The following ROCK2 variants were observed in gnomAD, a reference collection of about 807,000 sequenced individuals.
The protein encoded by ROCK2 is Rho associated coiled-coil containing protein kinase 2.
Under a neutral mutation model 195.1 loss-of-function variants are expected in ROCK2, and 61 were observed. The ratio of observed to expected loss-of-function variants is 0.31; its 90% CI spans 0.25 to 0.39. The LOEUF is 0.39. ROCK2 is among the 10% of genes least tolerant of loss of function. The pLI, the probability that ROCK2 is intolerant of heterozygous loss-of-function variation, is 1.00. For missense variants in ROCK2, 1,109 were observed against 1,637.4 expected (o/e 0.68, Z 5.57); for synonymous variants, 504 against 545.5 (o/e 0.92, Z 1.06).
rs368626884 is a variant in ROCK2, at chr2:11,217,344, C to T, written c.1333-175G>A. On this transcript the variant is annotated intron_variant, in intron 11 of 32. Transcript: ENST00000315872. Reference sequence around the variant, plus strand: ...TATATTGATAAAAGGAAAAACTCCCCCATCTCTTGCTTTCTATCAGAGTAC... The same window carrying T: ...TATATTGATAAAAGGAAAAACTCCCTCATCTCTTGCTTTCTATCAGAGTAC... 44 of 705,168 alleles carry T rather than the reference C, an allele frequency of 6.2e-5. No individual in the cohort carries two copies. The African/African-American group carries it at 7.5e-4, about 12-fold the overall frequency. 43.7% of individuals were successfully genotyped at this position (705,168 alleles called of 1,614,324 possible). A position where few individuals can be genotyped will look rare whatever the true frequency, so the allele number is the denominator to read the frequency against.
intron 13 of ROCK2, 103 bp from the exon 14 acceptor site, chr2:11,215,748 G>C: frequency 5.6e-6 from 5 of 897,820 alleles, no homozygotes; most frequent in Admixed American, 6.4e-5. Context: ...TCTCAAAAAG[G>C]CTTTCACTGC....
In ROCK2 at chr2:11,287,622, A is replaced by G. The variant is rs548882066; in HGVS notation, c.223+33T>C. 2.7e-5 allele frequency: 17 copies of G among 635,962 alleles called. 1 individual carries two copies. The Admixed American group carries it at 4.5e-4, about 17-fold the overall frequency. 39.4% of individuals were successfully genotyped at this position (635,962 alleles called of 1,614,324 possible). A position where few individuals can be genotyped will look rare whatever the true frequency, so the allele number is the denominator to read the frequency against. On this transcript the variant is annotated intron_variant, in intron 2 of 32. Transcript: ENST00000315872. ...AAAATCTCTTATCAAAAGTAGAGTT[A>G]TAAGATCAAATATGAAGTTTAAACA...
intron 1 of ROCK2, among the ~76,000 whole-genome samples, chr2:11,299,990 A>G (rs553935657): frequency 6.6e-6 from 1 of 152,192 alleles, no homozygotes; most frequent in East Asian, 1.9e-4. Context: ...ATAAAGAATG[A>G]TGAGCAAGTC....
chr2:11,199,088 A>T (rs1663751607), intron 23 of ROCK2, among the ~76,000 whole-genome samples: 1 of 151,420 alleles, frequency 6.6e-6, no homozygotes. Context: ...TTTAGTAGAG[A>T]TGGGGTTTCA....
chr2:11,264,536 T>G (rs1251357340), intron 3 of ROCK2, among the ~76,000 whole-genome samples: 1 of 152,142 alleles, frequency 6.6e-6, no homozygotes, highest in African/African-American at 2.4e-5. Context: ...AACATTCTGA[T>G]TTCACACATT....
chr2:11,341,816 CGTCA>C (rs937170533), intron 1 of ROCK2, among the ~76,000 whole-genome samples: 30 of 152,166 alleles, frequency 2.0e-4, no homozygotes, highest in African/African-American at 6.7e-4. Flanking sequence ...GCCATTATTT[CGTCA>C]GTATTTCAGG....
At chr2:11,262,710 C>T (rs1329573529) in intron 3 of ROCK2, among the ~76,000 whole-genome samples, 2 of 152,126 alleles carry the variant, frequency 1.3e-5, no homozygotes, top group African/African-American at 2.4e-5. Context: ...ACTGTAAGTC[C>T]AATAAACTTC....
intron 1 of ROCK2, among the ~76,000 whole-genome samples, chr2:11,299,273 CAA>C (rs1208739865): frequency 7.9e-5 from 10 of 126,096 alleles, no homozygotes; most frequent in Admixed American, 1.6e-4. Context: ...GACTCCATCT[CAA>C]AAAAAAAAAA....
intron 1 of ROCK2, 41 bp downstream of exon 1, chr2:11,343,955 G>A (rs770859149): frequency 3.8e-6 from 6 of 1,575,748 alleles, no homozygotes; most frequent in Non-Finnish European, 4.3e-6. Flanking sequence ...GATCTGAGGT[G>A]TGAGCTGCAA....
chr2:11,274,936 T>C lies in ROCK2; in HGVS notation c.324+11603A>G, dbSNP rs574727489. 2.2e-4 allele frequency among the ~76,000 whole-genome samples: 33 copies of C among 152,180 alleles called. No individual in the cohort carries two copies. The South Asian group carries it at 5.2e-3, about 24-fold the overall frequency. On this transcript the variant is annotated intron_variant, in intron 3 of 32. Coordinates refer to ENST00000315872, the MANE Select transcript of ROCK2 (RefSeq NM_004850.5). ...CATATCTATGATAAAGTTCAATTTA[T>C]AAACTAAGCAACAGTAAAAATTAAG...
chr2:11,240,330 C>G (rs1665379218), intron 4 of ROCK2, among the ~76,000 whole-genome samples: 1 of 152,172 alleles, frequency 6.6e-6, no homozygotes, highest in Admixed American at 6.5e-5. Flanking sequence ...ACTCCTATCA[C>G]TCAGGAAATT....
rs867878799 is a variant in ROCK2 at position 11,293,939 on chromosome 2, G to A, written c.142-6203C>T. On this transcript the variant is annotated intron_variant, in intron 1 of 32. Coordinates refer to ENST00000315872, the MANE Select transcript of ROCK2 (RefSeq NM_004850.5). The stretch of plus-strand genomic sequence containing the variant: ...TCTGGGAGGCCGAGGCGGGAGGATC[G>A]TGAGGTCAGGAGATCGAGACCATCC... Among the ~76,000 whole-genome samples the A allele has an allele frequency of 5.3e-5, 8 of 152,148 alleles. No individual in the cohort carries two copies. In the South Asian group the frequency reaches 1.0e-3, roughly 20 times the overall value.
At chr2:11,239,132 A>G (rs781484001) in intron 4 of ROCK2, among the ~76,000 whole-genome samples, 15 of 152,154 alleles carry the variant, frequency 9.9e-5, no homozygotes, top group Non-Finnish European at 1.9e-4. Flanking sequence ...ACACAGGAGA[A>G]TATCTTAATG....
At chr2:11,230,238 C>T (rs1664955794) in intron 5 of ROCK2, among the ~76,000 whole-genome samples, 1 of 151,882 alleles carries the variant, frequency 6.6e-6, no homozygotes, top group Admixed American at 6.6e-5. Flanking sequence ...AGAAGTGATT[C>T]CAGAGGTGAG....
At chr2:11,322,940 T>TGAC (rs994847652) in intron 1 of ROCK2, among the ~76,000 whole-genome samples, 1 of 152,150 alleles carries the variant, frequency 6.6e-6, no homozygotes, top group African/African-American at 2.4e-5. Flanking sequence ...GTATAGATCA[T>TGAC]ACAGTGAAAC....
rs1457229425 is a variant in ROCK2, at chr2:11,208,394, G to A, written c.2257C>T (p.Leu753=). Residue 753 remains leucine (L), a synonymous_variant, in exon 19 of 33, where the codon CTA becomes TTA. Transcript: ENST00000315872. ...ERTLKQKVEN[L]LLEAEKRCSL... ...CATCTTTTCTCAGCTTCTAGCAATA[G>A]GTTCTCCACTTTCTGTTTTAAAGTT... 1 of 1,554,338 alleles carries A rather than the reference G, an allele frequency of 6.4e-7. No individual in the cohort carries two copies.
chr2:11,198,880 T>TTTA, intron 23 of ROCK2, 106 bp from the exon 24 acceptor site: 2 of 638,682 alleles, frequency 3.1e-6, no homozygotes, highest in Non-Finnish European at 5.0e-6. Context: ...ACCTCTTATT[T>TTTA]TTCTTTTTTT....
At position 11,211,709 on chromosome 2, in the gene ROCK2, G is replaced by A. The variant is rs770615625; in HGVS notation, c.2175C>T (p.Ile725=). 2.4e-5 allele frequency: 39 copies of A among 1,607,376 alleles called. No homozygotes were observed. The highest frequency in any genetic ancestry group is 1.7e-4 in the Middle Eastern group (1 of 6,056). Residue 725 remains isoleucine (I), a synonymous_variant, in exon 18 of 33, where the codon ATC becomes ATT. Transcript: ENST00000315872. ...LADKNKIYES[I]EEAKSEAMKE... is the part of the protein sequence containing the mutation. ...TCATGGCTTCTGATTTGGCTTCTTC[G>A]ATGGACTCATAGATCTTATTTTTAT...
At chr2:11,302,101 C>T (rs1172494154) in intron 1 of ROCK2, among the ~76,000 whole-genome samples, 3 of 152,122 alleles carry the variant, frequency 2.0e-5, no homozygotes, top group African/African-American at 4.8e-5. Flanking sequence ...CCACCACGCC[C>T]GGCCAGCAAC....
Sources: allele counts gnomAD v4.1 joint callset (sites outside exome capture counted in the v4.1 genomes callset), GRCh38; gene constraint gnomAD v4.1.1; transcripts MANE v1.5; gene names NCBI Gene and HGNC (gene_info 2026-07-23, HGNC 2026-07-21).